The following LCOR variants were observed in gnomAD, a reference collection of about 807,000 sequenced individuals.
LCOR encodes the protein ligand-dependent corepressor.
A neutral mutation model predicts 64.4 loss-of-function variants in LCOR; 14 were observed. The observed-to-expected ratio is 0.22, with a 90% confidence interval of 0.14 to 0.34. The LOEUF (loss-of-function observed/expected upper bound fraction) is 0.34, where lower values mean the gene tolerates loss of function less well. Ranked by LOEUF, LCOR falls within the 10% of genes least tolerant of loss-of-function variation. The pLI, the probability that LCOR is intolerant of heterozygous loss-of-function variation, is 1.00. For synonymous variants in LCOR, 643 were observed against 642.5 expected (o/e 1.00, Z -0.01); for missense variants, 1,686 against 1,765.3 (o/e 0.96, Z 0.80).
At chr10:96,978,896 T>A (rs904584350) in intron 7 of LCOR, among the ~76,000 whole-genome samples, 2 of 152,230 alleles carry the variant, frequency 1.3e-5, no homozygotes, top group Non-Finnish European at 2.9e-5. Context: ...ATCTAATATC[T>A]CACAACAATC....
chr10:96,916,764 G>A (rs745561250), intron 4 of LCOR, among the ~76,000 whole-genome samples: 12 of 151,824 alleles, frequency 7.9e-5, no homozygotes, highest in South Asian at 4.2e-4. Context: ...ACAGGCGCAC[G>A]CCACCCCACC....
chr10:96,956,663 T>C lies in LCOR; in HGVS notation c.332+4467T>C, dbSNP rs1014135464. 4.1e-6 allele frequency: 4 copies of C among 985,760 alleles called. No individual in the cohort carries two copies. In the East Asian group the frequency reaches 4.5e-4, roughly 112 times the overall value. 61.1% of individuals were successfully genotyped at this position (985,760 alleles called of 1,614,324 possible). ...AACACTACCTTTGCTGTAATTTCAT[T>C]TGAGATTTTCTAAGGGTAGAATTTG... On this transcript the variant is annotated intron_variant, in intron 7 of 7. Transcript: ENST00000421806.
intron 4 of LCOR, among the ~76,000 whole-genome samples, chr10:96,941,084 G>A (rs1389835885): frequency 2.6e-5 from 2 of 78,342 alleles, no homozygotes; most frequent in South Asian, 5.0e-4. Flanking sequence ...CCTCCCTCCC[G>A]GACGGGGCGG....
rs1848175881 is a variant in LCOR, at chr10:96,989,338, G to A, written c.*4204G>A. The A allele has an allele frequency of 6.7e-6, 1 of 149,016 alleles. No individual in the cohort carries two copies. The highest frequency in any genetic ancestry group is 1.5e-5 in the Non-Finnish European group (1 of 67,530). 9.2% of individuals were successfully genotyped at this position (149,016 alleles called of 1,614,324 possible). A position where few individuals can be genotyped will look rare whatever the true frequency, so the allele number is the denominator to read the frequency against. ...CTTTATTTCTTGTTTATTAAAGTAAGCCAAGATTTTGTTTCTGGTAAAATT... is the reference window on the plus strand; with the variant it reads ...CTTTATTTCTTGTTTATTAAAGTAAACCAAGATTTTGTTTCTGGTAAAATT... On this transcript the variant is annotated 3_prime_UTR_variant, in exon 8 of 8. Coordinates refer to ENST00000421806, the MANE Select transcript of LCOR (RefSeq NM_001346516.2).
In LCOR at chr10:96,987,243, C is replaced by A. The variant is rs964157285; in HGVS notation, c.*2109C>A. The A allele has an allele frequency of 6.6e-6, 1 of 152,296 alleles. No homozygotes were observed. Among genetic ancestry groups the A allele is most frequent in the Middle Eastern group, 3.4e-3 (1 of 292 alleles). The allele number at this position is 152,296 out of a possible 1,614,324, so 9.4% of individuals were successfully genotyped here. On this transcript the variant is annotated 3_prime_UTR_variant, in exon 8 of 8. Coordinates refer to ENST00000421806, the MANE Select transcript of LCOR (RefSeq NM_001346516.2). Reference sequence around the variant, plus strand: ...AATGGTTTTAAGGTTTTAAAAATGTCTTTTCATATAGTTGTCACTGGATAT... The same window carrying A: ...AATGGTTTTAAGGTTTTAAAAATGTATTTTCATATAGTTGTCACTGGATAT...
At chr10:96,942,746 A>G (rs1484718040) in intron 4 of LCOR, among the ~76,000 whole-genome samples, 2 of 152,144 alleles carry the variant, frequency 1.3e-5, no homozygotes, top group Non-Finnish European at 2.9e-5. Flanking sequence ...TGAGGGAATC[A>G]TTTGTGCATT....
At chr10:96,975,914 C>T (rs2134558258) in intron 7 of LCOR, among the ~76,000 whole-genome samples, 1 of 152,234 alleles carries the variant, frequency 6.6e-6, no homozygotes, top group South Asian at 2.1e-4. Context: ...ACTTGGGAGG[C>T]TGAGCCAGGA....
At chr10:96,957,821 T>C in intron 7 of LCOR, 1 of 985,686 alleles carries the variant, frequency 1.0e-6, no homozygotes, top group Non-Finnish European at 1.2e-6. Context: ...GTTCCTCTTG[T>C]TTTGGTTATT....
chr10:96,894,846 A>G (rs922649279), intron 2 of LCOR, among the ~76,000 whole-genome samples: 1 of 152,166 alleles, frequency 6.6e-6, no homozygotes, highest in Non-Finnish European at 1.5e-5. Flanking sequence ...GGGTTAAGAT[A>G]TGTCTTTATT....
chr10:96,942,398 G>A (rs1450277139), intron 4 of LCOR, among the ~76,000 whole-genome samples: 1 of 152,168 alleles, frequency 6.6e-6, no homozygotes, highest in African/African-American at 2.4e-5. Flanking sequence ...CAGCAGTACC[G>A]TCCAGCTTTG....
chr10:96,903,545 G>GTC (rs1351259618), intron 2 of LCOR, among the ~76,000 whole-genome samples: 1 of 151,630 alleles, frequency 6.6e-6, no homozygotes, highest in African/African-American at 2.4e-5. Flanking sequence ...GAAACTACTA[G>GTC]TCTCTGTACT....
chr10:96,945,522 T>G (rs2134517261), intron 5 of LCOR, among the ~76,000 whole-genome samples: 1 of 152,296 alleles, frequency 6.6e-6, no homozygotes, highest in East Asian at 1.9e-4. Context: ...CTCCTATGTC[T>G]TATTATCCCT....
intron 4 of LCOR, among the ~76,000 whole-genome samples, chr10:96,937,516 T>C (rs1171498861): frequency 6.6e-6 from 1 of 152,200 alleles, no homozygotes; most frequent in African/African-American, 2.4e-5. Context: ...ATATATATTT[T>C]TTCTTTCTTT....
chr10:96,899,685 A>G (rs1248548208), intron 2 of LCOR, among the ~76,000 whole-genome samples: 3 of 152,078 alleles, frequency 2.0e-5, no homozygotes, highest in South Asian at 2.1e-4. Context: ...ACTTAAATAA[A>G]TCTTGTAAAT....
rs1055202638 is a variant in LCOR at position 96,988,308 on chromosome 10, T to A, written c.*3174T>A. On this transcript the variant is annotated 3_prime_UTR_variant, in exon 8 of 8. Coordinates refer to ENST00000421806, the MANE Select transcript of LCOR (RefSeq NM_001346516.2). ...TGAGGCTTCCTTCATAGGAATGCTG[T>A]CAGTTTCTGTAAGTCACCAGTCACT... The A allele has an allele frequency of 6.6e-6, 1 of 152,222 alleles. No individual in the cohort carries two copies. Among genetic ancestry groups the A allele is most frequent in the East Asian group, 1.9e-4 (1 of 5,192 alleles). 9.4% of individuals were successfully genotyped at this position (152,222 alleles called of 1,614,324 possible). A position where few individuals can be genotyped will look rare whatever the true frequency, so the allele number is the denominator to read the frequency against.
chr10:96,964,677 G>A lies in LCOR; in HGVS notation c.332+12481G>A, dbSNP rs867559674. On this transcript the variant is annotated intron_variant, in intron 7 of 7. Transcript: ENST00000421806. ...AGTGTCTTTACTAATTTGATACCTC[G>A]GCGCTCAGATTACCTCAGTTTTCTT... Among the ~76,000 whole-genome samples the A allele has an allele frequency of 2.6e-5, 4 of 151,832 alleles. No homozygotes were observed. The South Asian group carries it at 6.2e-4, about 24-fold the overall frequency.
chr10:96,843,337 A>G (rs1451950577), intron 2 of LCOR, among the ~76,000 whole-genome samples: 1 of 151,946 alleles, frequency 6.6e-6, no homozygotes. Context: ...CTTGCTATGT[A>G]GCCCAGGCTT....
At chr10:96,961,293 T>C (rs1038476979) in intron 7 of LCOR, 1 of 152,126 alleles carries the variant, frequency 6.6e-6, no homozygotes, top group South Asian at 2.1e-4. Flanking sequence ...CATTTAGAGC[T>C]GTATCAAGAA....
At chr10:96,920,609 T>TATATATGTGTATATATGTATGTATATTC in intron 4 of LCOR, among the ~76,000 whole-genome samples, 1 of 148,040 alleles carries the variant, frequency 6.8e-6, no homozygotes, top group African/African-American at 2.5e-5. Context: ...TGTATATTCA[T>TATATATGTGTATATATGTATGTATATTC]ATATGTGTAT....
Sources: gnomAD v4.1 joint callset for allele counts (sites outside exome capture counted in the v4.1 genomes callset) on GRCh38, gnomAD v4.1.1 for gene constraint, MANE v1.5 for transcripts, NCBI Gene and HGNC (gene_info 2026-07-23, HGNC 2026-07-21) for gene names.